STK33: variants seen among roughly 807,000 people sequenced by gnomAD.
The protein encoded by STK33 is serine/threonine kinase 33, also known as serine/threonine-protein kinase 33.
STK33 carries 52 observed loss-of-function variants against 58.0 expected under a neutral mutation model. The ratio of observed to expected loss-of-function variants is 0.90; its 90% CI spans 0.72 to 1.13. The LOEUF is 1.13. Among genes scored for constraint, STK33 ranks in the 50% most tolerant of loss-of-function variants. The probability of loss-of-function intolerance (pLI) is 0.00; values close to 1 mark genes in which losing one functional copy is unlikely to be tolerated. For synonymous variants in STK33, 215 were observed against 200.1 expected (o/e 1.07, Z -0.63); for missense variants, 630 against 604.2 (o/e 1.04, Z -0.45).
Position 8,578,869 on chromosome 11 carries a change from G to A in STK33, c.-466+15214C>T, listed in dbSNP as rs149259936. Among the ~76,000 whole-genome samples the A allele has an allele frequency of 3.1e-3, 474 of 152,070 alleles. 3 individuals are homozygous for A. The highest frequency in any genetic ancestry group is 0.011 in the African/African-American group (455 of 41,526). ...GTCCCCATTCTTCCATTAACCAGTGGTGTGTAACCTTAGGCAAGTTCTCCA... is the reference window on the plus strand; with the variant it reads ...GTCCCCATTCTTCCATTAACCAGTGATGTGTAACCTTAGGCAAGTTCTCCA... On this transcript the variant is annotated intron_variant, in intron 1 of 15. Transcript: ENST00000687296.
chr11:8,579,254 C>A (rs1591882401), intron 1 of STK33, among the ~76,000 whole-genome samples: 1 of 152,060 alleles, frequency 6.6e-6, no homozygotes, highest in East Asian at 1.9e-4. Flanking sequence ...TTTATTAAAT[C>A]TAAACCTTTC....
At chr11:8,548,616 T>G (rs915675688) in intron 1 of STK33, among the ~76,000 whole-genome samples, 1 of 152,238 alleles carries the variant, frequency 6.6e-6, no homozygotes, top group Non-Finnish European at 1.5e-5. Context: ...CATACAAATT[T>G]TAGAATTTTT....
chr11:8,408,850 GC>G (rs1022961841), intron 15 of STK33, among the ~76,000 whole-genome samples: 1 of 152,208 alleles, frequency 6.6e-6, no homozygotes, highest in African/African-American at 2.4e-5. Flanking sequence ...CAGGGGAGTT[GC>G]AGAGGATGTG....
chr11:8,402,774 G>C (rs1472396969), intron 15 of STK33, among the ~76,000 whole-genome samples: 1 of 152,182 alleles, frequency 6.6e-6, no homozygotes, highest in Admixed American at 6.5e-5. Flanking sequence ...CCTGGAGTGG[G>C]CAAGGCAAAT....
the STK33 span, among the ~76,000 whole-genome samples, chr11:8,353,819 C>T: frequency 1.3e-5 from 2 of 152,140 alleles, no homozygotes; most frequent in African/African-American, 4.8e-5. Flanking sequence ...GCCATTCTTC[C>T]TAAAACTGCA....
intron 1 of STK33, among the ~76,000 whole-genome samples, chr11:8,564,876 A>G (rs1483687240): frequency 6.6e-5 from 10 of 152,212 alleles, no homozygotes; most frequent in Non-Finnish European, 1.5e-4. Context: ...CATCCCTTCA[A>G]AAACATATCC....
downstream of STK33, among the ~76,000 whole-genome samples, chr11:8,390,480 T>TA (rs745467367): frequency 1.3e-5 from 2 of 152,018 alleles, no homozygotes; most frequent in Non-Finnish European, 2.9e-5. Context: ...CCCCAGACCT[T>TA]AAAGAGGCAC....
chr11:8,591,695 T>A (rs188713048), intron 1 of STK33, among the ~76,000 whole-genome samples: 103 of 152,236 alleles, frequency 6.8e-4, no homozygotes, highest in Admixed American at 1.2e-3. Context: ...GGGACATGGA[T>A]GAAACTGGAA....
At chr11:8,486,789 G>A (rs1404813337) in intron 1 of STK33, among the ~76,000 whole-genome samples, 2 of 152,204 alleles carry the variant, frequency 1.3e-5, no homozygotes, top group African/African-American at 2.4e-5. Flanking sequence ...TAAGCAAGAT[G>A]AAATTGTGGC....
At chr11:8,400,289 T>C (rs577858410) in intron 15 of STK33, among the ~76,000 whole-genome samples, 2 of 152,330 alleles carry the variant, frequency 1.3e-5, no homozygotes, top group South Asian at 2.1e-4. Context: ...GCCGGCTTCA[T>C]CCCTGGGATG....
Position 8,392,479 on chromosome 11 carries a change from G to C in STK33, c.*31C>G. The C allele has an allele frequency of 6.2e-7, 1 of 1,612,900 alleles. No homozygotes were observed. Among genetic ancestry groups the C allele is most frequent in the South Asian group, 1.1e-5 (1 of 90,938 alleles). On this transcript the variant is annotated 3_prime_UTR_variant, in exon 16 of 16. Coordinates refer to ENST00000687296, the MANE Select transcript of STK33 (RefSeq NM_001352389.2). ...TCAAAGTGCTAACAAGAGCAGCTTT[G>C]TTTTTGTACTGTCCAACACTGGAGG...
chr11:8,458,859 A>G (rs1442448318), intron 8 of STK33, among the ~76,000 whole-genome samples: 1 of 152,194 alleles, frequency 6.6e-6, no homozygotes, highest in East Asian at 1.9e-4. Flanking sequence ...AAGCACTGTT[A>G]GTGCAATTCT....
the STK33 span, among the ~76,000 whole-genome samples, chr11:8,336,361 C>A: frequency 6.6e-6 from 1 of 152,194 alleles, no homozygotes; most frequent in African/African-American, 2.4e-5. Flanking sequence ...ACTAATAAAG[C>A]CTTGAGTGAG....
At chr11:8,510,279 G>C (rs1952207014) in intron 1 of STK33, among the ~76,000 whole-genome samples, 1 of 152,116 alleles carries the variant, frequency 6.6e-6, no homozygotes, top group African/African-American at 2.4e-5. Flanking sequence ...TCATAAGTTT[G>C]TTGGCTGTCT....
intron 1 of STK33, among the ~76,000 whole-genome samples, chr11:8,506,039 T>C (rs896519689): frequency 2.0e-5 from 3 of 152,234 alleles, no homozygotes; most frequent in Non-Finnish European, 4.4e-5. Context: ...AAATGCCATA[T>C]ACTGTATTAT....
chr11:8,392,318 T>A lies in STK33; in HGVS notation c.*192A>T. Reference sequence around the variant, plus strand: ...AAGCCTACTGGTGGCTGTCCTTTAATGCCATGTGCAGCTTATGCTGCTTTG... The same window carrying A: ...AAGCCTACTGGTGGCTGTCCTTTAAAGCCATGTGCAGCTTATGCTGCTTTG... On this transcript the variant is annotated 3_prime_UTR_variant, in exon 16 of 16. Transcript: ENST00000687296. 1 of 661,294 alleles carries A rather than the reference T, an allele frequency of 1.5e-6. No homozygotes were observed. The highest frequency in any genetic ancestry group is 4.3e-4 in the Middle Eastern group (1 of 2,316). 41.0% of individuals were successfully genotyped at this position (661,294 alleles called of 1,614,324 possible).
chr11:8,376,049 C>T, the STK33 span, among the ~76,000 whole-genome samples: 2 of 152,226 alleles, frequency 1.3e-5, no homozygotes, highest in Non-Finnish European at 2.9e-5. Flanking sequence ...AGGGCAAATG[C>T]ATTCCTTTGC....
At chr11:8,398,631 T>C (rs934785236) in intron 15 of STK33, among the ~76,000 whole-genome samples, 8 of 152,198 alleles carry the variant, frequency 5.3e-5, no homozygotes, top group African/African-American at 1.4e-4. Flanking sequence ...TAAAGGTAAA[T>C]AGGCTAAATG....
chr11:8,462,957 C>T (rs1314828382), intron 7 of STK33, among the ~76,000 whole-genome samples: 1 of 152,130 alleles, frequency 6.6e-6, no homozygotes, highest in Non-Finnish European at 1.5e-5. Flanking sequence ...ACCTCCCATC[C>T]ACCTGATTTG....
Sources: allele counts gnomAD v4.1 joint callset (sites outside exome capture counted in the v4.1 genomes callset), GRCh38; gene constraint gnomAD v4.1.1; transcripts MANE v1.5; gene names NCBI Gene and HGNC (gene_info 2026-07-23, HGNC 2026-07-21).